The following GRM4 variants were observed in gnomAD, a reference collection of about 807,000 sequenced individuals.
GRM4 encodes metabotropic glutamate receptor 4.
A neutral mutation model predicts 81.7 loss-of-function variants in GRM4; 28 were observed. That is an observed-to-expected ratio of 0.34 (90% CI 0.25 to 0.47). The LOEUF (loss-of-function observed/expected upper bound fraction) is 0.47, where lower values mean the gene tolerates loss of function less well. GRM4 is among the 20% of genes least tolerant of loss of function. The pLI is 1.00. For missense variants in GRM4, 948 were observed against 1,290.0 expected, an observed-to-expected ratio of 0.73 and a Z score of 4.06; for synonymous variants, 488 against 528.8, an observed-to-expected ratio of 0.92 and a Z score of 1.06.
chr6:34,135,174 C>A (rs1055657027), intron 1 of GRM4, among the ~76,000 whole-genome samples: 1 of 152,180 alleles, frequency 6.6e-6, no homozygotes, highest in Non-Finnish European at 1.5e-5. Context: ...AAGACCAAGC[C>A]GTGGTCTCAG....
In GRM4 at chr6:34,115,737, G is replaced by A. The variant is rs1481547139; in HGVS notation, c.519+17241C>T. On this transcript the variant is annotated intron_variant, in intron 2 of 10. Transcript: ENST00000538487. This position sits in a 1 kb window ranked among gnomAD's most constrained non-coding sequence, Gnocchi z 4.1. ...TCCCTAAATAACTGTGCAGCGCGAG[G>A]CTGGAGGAGGAGTTCGAGGTTCTCA... is the stretch of plus-strand genomic sequence containing the variant. Among the ~76,000 whole-genome samples, 1 of 152,204 alleles carries A rather than the reference G, an allele frequency of 6.6e-6. No individual in the cohort carries two copies. Among genetic ancestry groups the A allele is most frequent in the African/African-American group, 2.4e-5 (1 of 41,444 alleles).
In GRM4 at chr6:34,036,576, C is replaced by T. The variant is rs773990568; in HGVS notation, c.1534G>A (p.Gly512Arg). 1.4e-5 allele frequency: 23 copies of T among 1,588,428 alleles called. No homozygotes were observed. Among genetic ancestry groups the T allele is most frequent in the South Asian group, 1.1e-4 (10 of 89,430 alleles). Residue 512 changes from glycine to arginine, a missense_variant, in exon 9 of 11, where the codon GGG (glycine) becomes AGG (arginine). Transcript: ENST00000538487. The surrounding 1 kb of genome is among the most constrained non-coding windows in gnomAD (Gnocchi z 9.0). Reference protein sequence around the residue: ...RIERMHWPGSGQQLPRSICSL... With the variant: ...RIERMHWPGSRQQLPRSICSL... Reference sequence around the variant, plus strand: ...CAGATGGAGCGGGGCAGCTGCTGCCCGCTCCCCGGCCAGTGCATCCGCTCT... The same window carrying T: ...CAGATGGAGCGGGGCAGCTGCTGCCTGCTCCCCGGCCAGTGCATCCGCTCT...
intron 2 of GRM4, among the ~76,000 whole-genome samples, chr6:34,100,816 C>G (rs149903199): frequency 4.2e-4 from 64 of 152,358 alleles, no homozygotes; most frequent in Admixed American, 1.6e-3. Flanking sequence ...CACTGAATTG[C>G]AGTCGTGAGA....
rs1478444797 is a variant in GRM4 at position 34,130,915 on chromosome 6, G to T, written c.519+2063C>A. On this transcript the variant is annotated intron_variant, in intron 2 of 10. Coordinates refer to ENST00000538487, the MANE Select transcript of GRM4 (RefSeq NM_000841.4). The surrounding 1 kb of genome is among the most constrained non-coding windows in gnomAD (Gnocchi z 4.1). Reference sequence around the variant, plus strand: ...ATACAGCAGCCTCCCTTGTGGGGTGGCCTTCCTGGAGGCTGGGGATCTGTG... The same window carrying T: ...ATACAGCAGCCTCCCTTGTGGGGTGTCCTTCCTGGAGGCTGGGGATCTGTG... Among the ~76,000 whole-genome samples the T allele has an allele frequency of 6.6e-6, 1 of 152,234 alleles. No homozygotes were observed. The highest frequency in any genetic ancestry group is 2.4e-5 in the African/African-American group (1 of 41,466).
upstream of GRM4, among the ~76,000 whole-genome samples, chr6:34,149,363 T>A (rs1771002192): frequency 6.6e-6 from 1 of 152,134 alleles, no homozygotes; most frequent in Non-Finnish European, 1.5e-5. Context: ...ACCAGGCCAT[T>A]AGATGAAAAT....
intron 1 of GRM4, among the ~76,000 whole-genome samples, chr6:34,139,054 C>G (rs1316408188): frequency 1.3e-5 from 2 of 152,250 alleles, no homozygotes; most frequent in African/African-American, 4.8e-5. Flanking sequence ...AAGCCCTGCT[C>G]CCAGGCAGTC....
Position 34,090,277 on chromosome 6 carries a change from C to T in GRM4, c.736+1606G>A, listed in dbSNP as rs1768131514. On this transcript the variant is annotated intron_variant, in intron 3 of 10. Coordinates refer to ENST00000538487, the MANE Select transcript of GRM4 (RefSeq NM_000841.4). This position sits in a 1 kb window ranked among gnomAD's most constrained non-coding sequence, Gnocchi z 5.2. ...CCTTCCCCCATCCTATACCTTTGCCCCTAAATCCTGCAGAGGTCATGCATT... is the reference window on the plus strand; with the variant it reads ...CCTTCCCCCATCCTATACCTTTGCCTCTAAATCCTGCAGAGGTCATGCATT... Among the ~76,000 whole-genome samples, 1 of 152,132 alleles carries T rather than the reference C, an allele frequency of 6.6e-6. No homozygotes were observed. The highest frequency in any genetic ancestry group is 6.5e-5 in the Admixed American group (1 of 15,276).
rs1318640437 is a variant in GRM4 at position 34,035,354 on chromosome 6, G to A, written c.2442+314C>T. ...GGGGAGGATGGAAAGAGGGAGTAAA[G>A]TGGGGCTGAAGGAGACAAAAGGAGG... is the stretch of plus-strand genomic sequence containing the variant. On this transcript the variant is annotated intron_variant, in intron 9 of 10. Transcript: ENST00000538487. This position sits in a 1 kb window ranked among gnomAD's most constrained non-coding sequence, Gnocchi z 6.6. 6.6e-6 allele frequency among the ~76,000 whole-genome samples: 1 copy of A among 150,632 alleles called. No homozygotes were observed. Among genetic ancestry groups the A allele is most frequent in the African/African-American group, 2.5e-5 (1 of 40,778 alleles).
intron 6 of GRM4, among the ~76,000 whole-genome samples, chr6:34,044,851 G>GAC (rs750848710): frequency 3.0e-5 from 3 of 99,820 alleles, no homozygotes; most frequent in Middle Eastern, 8.2e-3. Context: ...TATATACATA[G>GAC]ACACACACAC....
chr6:34,029,061 G>C (rs1193825773), intron 9 of GRM4, among the ~76,000 whole-genome samples: 3 of 152,210 alleles, frequency 2.0e-5, no homozygotes, highest in East Asian at 3.8e-4. Context: ...TACAATAGTA[G>C]AGCCTTCCAG....
Position 34,035,108 on chromosome 6 carries a change from G to A in GRM4, c.2442+560C>T, listed in dbSNP as rs2127441965. Among the ~76,000 whole-genome samples the A allele has an allele frequency of 6.6e-6, 1 of 152,280 alleles. No homozygotes were observed. The highest frequency in any genetic ancestry group is 1.5e-5 in the Non-Finnish European group (1 of 68,026). ...TTGTGAGGGGTAGATGGAGGAGGGA[G>A]AAGAGAGGAGTGAACCAAAAGGAAG... On this transcript the variant is annotated intron_variant, in intron 9 of 10. Coordinates refer to ENST00000538487, the MANE Select transcript of GRM4 (RefSeq NM_000841.4). This position sits in a 1 kb window ranked among gnomAD's most constrained non-coding sequence, Gnocchi z 6.6.
At chr6:34,113,326 A>AT (rs949413701) in intron 2 of GRM4, among the ~76,000 whole-genome samples, 15 of 151,530 alleles carry the variant, frequency 9.9e-5, no homozygotes, top group African/African-American at 3.4e-4. Context: ...TAATTTTTAA[A>AT]TTTTTTGCAG....
intron 6 of GRM4, among the ~76,000 whole-genome samples, chr6:34,044,679 C>CACACAGACAA: frequency 6.7e-6 from 1 of 149,612 alleles, no homozygotes; most frequent in East Asian, 2.0e-4. Flanking sequence ...CAGACACACA[C>CACACAGACAA]ACACAGACAT....
chr6:34,088,450 T>C (rs1768028084), intron 3 of GRM4, among the ~76,000 whole-genome samples: 1 of 152,176 alleles, frequency 6.6e-6, no homozygotes, highest in Non-Finnish European at 1.5e-5. Flanking sequence ...CCTTGCTTTA[T>C]TCCCATTTCA....
intron 2 of GRM4, among the ~76,000 whole-genome samples, chr6:34,124,715 C>T (rs1471299043): frequency 1.3e-5 from 2 of 152,192 alleles, no homozygotes; most frequent in African/African-American, 2.4e-5. Flanking sequence ...CTAGCAGTGC[C>T]GGGCATGGAG....
chr6:34,025,100 A>G (rs1015680476), intron 10 of GRM4, among the ~76,000 whole-genome samples: 1 of 152,172 alleles, frequency 6.6e-6, no homozygotes, highest in Non-Finnish European at 1.5e-5. Context: ...TCTGAGCCTC[A>G]GGCAGCTCTT....
At chr6:34,066,871 C>T (rs10947476) in intron 3 of GRM4, among the ~76,000 whole-genome samples, 37,578 of 151,912 alleles carry the variant, frequency 0.25, 5,753 homozygotes, top group Non-Finnish European at 0.34. Flanking sequence ...CACGTGGTGC[C>T]GCCTGACAGA....
At chr6:34,124,565 C>T (rs995192342) in intron 2 of GRM4, among the ~76,000 whole-genome samples, 13 of 152,316 alleles carry the variant, frequency 8.5e-5, no homozygotes, top group African/African-American at 3.1e-4. Context: ...GGGTGGTTCT[C>T]CACCTGGAAT....
At chr6:34,129,774 C>T (rs2499729) in intron 2 of GRM4, among the ~76,000 whole-genome samples, 65,614 of 152,012 alleles carry the variant, frequency 0.43, 16,279 homozygotes, top group Non-Finnish European at 0.55. Context: ...ATCTCTAGAG[C>T]AAGAGGTTGG....
Sources: gnomAD v4.1 joint callset for allele counts (sites outside exome capture counted in the v4.1 genomes callset) on GRCh38, gnomAD v4.1.1 for gene constraint, Gnocchi (gnomAD v3.1) non-coding constraint, MANE v1.5 for transcripts, NCBI Gene and HGNC (gene_info 2026-07-23, HGNC 2026-07-21) for gene names.